Variants in ASH1L observed in about 807,000 individuals in gnomAD.
ASH1L encodes ASH1 like histone lysine methyltransferase, also known as histone-lysine N-methyltransferase ASH1L.
In ASH1L, 23 loss-of-function variants were observed where a neutral mutation model predicts 269.0. The ratio of observed to expected loss-of-function variants is 0.09; its 90% CI spans 0.06 to 0.12. The LOEUF is 0.12. ASH1L is among the 10% of genes least tolerant of loss of function. ASH1L has a pLI of 1.00. For synonymous variants in ASH1L, 1,187 were observed against 1,253.5 expected (o/e 0.95, Z 1.12); for missense variants, 2,912 against 3,567.8 (o/e 0.82, Z 4.68).
At chr1:155,553,711 T>G (rs1332868214) in intron 1 of ASH1L, among the ~76,000 whole-genome samples, 1 of 152,098 alleles carries the variant, frequency 6.6e-6, no homozygotes, top group African/African-American at 2.4e-5. Context: ...AAACATTACA[T>G]AGTATGTATC....
At chr1:155,511,922 T>C (rs1668185939) in intron 2 of ASH1L, among the ~76,000 whole-genome samples, 1 of 152,040 alleles carries the variant, frequency 6.6e-6, no homozygotes, top group Admixed American at 6.6e-5. Context: ...GCGATTCTCC[T>C]GTCTCAGCCT....
Position 155,371,512 on chromosome 1 carries a change from C to T in ASH1L, c.6333-529G>A, listed in dbSNP as rs183592524. ...GCAGTAAGCAGAGATCGCACCACTG[C>T]GCTCCAGCCTGGGCGACAGAGTGAG... On this transcript the variant is annotated intron_variant, in intron 10 of 27. Transcript: ENST00000392403. 5.9e-5 allele frequency among the ~76,000 whole-genome samples: 9 copies of T among 152,126 alleles called. No homozygotes were observed. In the East Asian group the frequency reaches 7.7e-4, roughly 13 times the overall value.
intron 25 of ASH1L, among the ~76,000 whole-genome samples, chr1:155,339,627 C>T (rs978101464): frequency 2.0e-5 from 3 of 152,100 alleles, no homozygotes; most frequent in Non-Finnish European, 4.4e-5. Context: ...AGTCATATGT[C>T]GCTTGGGGTC....
intron 1 of ASH1L, among the ~76,000 whole-genome samples, chr1:155,539,471 C>G (rs72995177): frequency 0.051 from 7,383 of 144,016 alleles, 614 homozygotes; most frequent in African/African-American, 0.18. Context: ...TGTTCTTGTT[C>G]TTTGAGAAAA....
chr1:155,539,638 G>A (rs1178043917), intron 1 of ASH1L, among the ~76,000 whole-genome samples: 1 of 151,950 alleles, frequency 6.6e-6, no homozygotes, highest in African/African-American at 2.4e-5. Context: ...TGTAGAGACA[G>A]CATCTTGCTA....
intron 2 of ASH1L, among the ~76,000 whole-genome samples, chr1:155,494,481 G>A (rs1034030247): frequency 2.0e-5 from 3 of 152,198 alleles, no homozygotes; most frequent in African/African-American, 7.2e-5. Flanking sequence ...ATTGCAGAGA[G>A]GACAGTAAAG....
chr1:155,517,793 CTTT>C (rs780065449), intron 2 of ASH1L, among the ~76,000 whole-genome samples: 2 of 70,914 alleles, frequency 2.8e-5, no homozygotes, highest in African/African-American at 1.2e-4. Flanking sequence ...CCAATAATTT[CTTT>C]TTTTTTTTTT....
At chr1:155,394,266 T>C (rs772993084) in intron 7 of ASH1L, among the ~76,000 whole-genome samples, 3 of 152,070 alleles carry the variant, frequency 2.0e-5, no homozygotes, top group African/African-American at 7.2e-5. Flanking sequence ...TGACACAATA[T>C]AGTGAATAAG....
chr1:155,355,732 T>C (rs963399383), intron 15 of ASH1L, among the ~76,000 whole-genome samples: 3 of 152,018 alleles, frequency 2.0e-5, no homozygotes, highest in Non-Finnish European at 4.4e-5. Flanking sequence ...CAAAGGGAAA[T>C]AGAATGAAAG....
intron 3 of ASH1L, among the ~76,000 whole-genome samples, chr1:155,476,310 C>A (rs920435340): frequency 2.0e-5 from 3 of 151,780 alleles, no homozygotes; most frequent in South Asian, 2.1e-4. Flanking sequence ...CGCTTGAACC[C>A]GGGAGGCGGA....
In ASH1L at chr1:155,343,289, T is replaced by G; in HGVS notation, c.8293+25A>C. The G allele has an allele frequency of 6.3e-7, 1 of 1,595,888 alleles. No individual in the cohort carries two copies. The highest frequency in any genetic ancestry group is 8.5e-7 in the Non-Finnish European group (1 of 1,170,274). The stretch of plus-strand genomic sequence containing the variant: ...AGCCACTGCACTTGGCCGAGGTCAT[T>G]TTTTAACTAGCCCAGATCACTTACC... On this transcript the variant is annotated intron_variant, in intron 24 of 27. Coordinates refer to ENST00000392403, the MANE Select transcript of ASH1L (RefSeq NM_018489.3). This position sits in a 1 kb window ranked among gnomAD's most constrained non-coding sequence, Gnocchi z 6.1.
At chr1:155,551,716 T>C (rs1282275202) in intron 1 of ASH1L, among the ~76,000 whole-genome samples, 2 of 145,212 alleles carry the variant, frequency 1.4e-5, no homozygotes, top group Non-Finnish European at 3.0e-5. Context: ...ACACCTGTAA[T>C]CCCAGCACTT....
At chr1:155,546,365 T>C (rs942967113) in intron 1 of ASH1L, among the ~76,000 whole-genome samples, 3 of 151,600 alleles carry the variant, frequency 2.0e-5, no homozygotes, top group South Asian at 2.1e-4. Flanking sequence ...ATTACCATAA[T>C]GGTAAAGGGG....
At chr1:155,473,854 G>A (rs925868865) in intron 3 of ASH1L, among the ~76,000 whole-genome samples, 5 of 150,884 alleles carry the variant, frequency 3.3e-5, no homozygotes, top group African/African-American at 4.9e-5. Context: ...TATTTTTTTT[G>A]AGACAGACTC....
At chr1:155,410,872 C>T (rs1659707468) in intron 6 of ASH1L, among the ~76,000 whole-genome samples, 2 of 151,632 alleles carry the variant, frequency 1.3e-5, no homozygotes, top group South Asian at 4.2e-4. Context: ...GCCTAAAGTG[C>T]TGGGATTACA....
At chr1:155,447,454 T>G (rs1571239371) in intron 4 of ASH1L, among the ~76,000 whole-genome samples, 1 of 152,158 alleles carries the variant, frequency 6.6e-6, no homozygotes, top group East Asian at 1.9e-4. Flanking sequence ...GGTCTCGAAC[T>G]CCTGAGCTCA....
intron 6 of ASH1L, among the ~76,000 whole-genome samples, chr1:155,400,438 T>G (rs959082871): frequency 1.3e-5 from 2 of 152,176 alleles, no homozygotes; most frequent in South Asian, 2.1e-4. Context: ...TAAATAATAT[T>G]TTGAATGCCT....
intron 1 of ASH1L, among the ~76,000 whole-genome samples, chr1:155,557,350 C>T (rs1671668939): frequency 6.6e-6 from 1 of 152,028 alleles, no homozygotes; most frequent in South Asian, 2.1e-4. Flanking sequence ...GCAAGCTCCA[C>T]CTCCCAGGTT....
chr1:155,470,187 G>C (rs759777746), intron 3 of ASH1L, among the ~76,000 whole-genome samples: 1 of 152,070 alleles, frequency 6.6e-6, no homozygotes, highest in African/African-American at 2.4e-5. Context: ...GGCTGTGCGC[G>C]GTGGCTCACA....
Sources: gnomAD v4.1 joint callset for allele counts (sites outside exome capture counted in the v4.1 genomes callset) on GRCh38, gnomAD v4.1.1 for gene constraint, Gnocchi (gnomAD v3.1) non-coding constraint, MANE v1.5 for transcripts, NCBI Gene and HGNC (gene_info 2026-07-23, HGNC 2026-07-21) for gene names.